The following MAGI1 variants were observed in gnomAD, a reference collection of about 807,000 sequenced individuals.
The protein encoded by MAGI1 is membrane-associated guanylate kinase, WW and PDZ domain-containing protein 1.
Under a neutral mutation model 139.9 loss-of-function variants are expected in MAGI1, and 58 were observed. The ratio of observed to expected loss-of-function variants is 0.41; its 90% CI spans 0.34 to 0.52. The LOEUF is 0.52. Among genes scored for constraint, MAGI1 ranks in the 20% least tolerant of loss-of-function variants. MAGI1 has a pLI of 0.12. For missense variants in MAGI1, 1,874 were observed against 1,901.6 expected (o/e 0.99, Z 0.27); for synonymous variants, 812 against 737.9 (o/e 1.10, Z -1.63).
At chr3:65,525,336 C>T (rs1469451744) in intron 2 of MAGI1, among the ~76,000 whole-genome samples, 1 of 152,176 alleles carries the variant, frequency 6.6e-6, no homozygotes, top group Non-Finnish European at 1.5e-5. Context: ...TTTTCTTTTT[C>T]TCTCTTCTCC....
intron 3 of MAGI1, among the ~76,000 whole-genome samples, chr3:65,479,023 A>T (rs1213977798): frequency 6.6e-6 from 1 of 152,198 alleles, no homozygotes; most frequent in Admixed American, 6.5e-5. Flanking sequence ...TTTAGTGCAA[A>T]CAACCTACTA....
At chr3:65,807,333 T>G (rs970962783) in intron 1 of MAGI1, among the ~76,000 whole-genome samples, 4 of 152,148 alleles carry the variant, frequency 2.6e-5, no homozygotes, top group Non-Finnish European at 5.9e-5. Context: ...TTACTGTACA[T>G]TGACATATAG....
At chr3:65,582,923 C>T (rs1019887418) in intron 2 of MAGI1, among the ~76,000 whole-genome samples, 3 of 152,186 alleles carry the variant, frequency 2.0e-5, no homozygotes, top group South Asian at 2.1e-4. Flanking sequence ...CAGCACTGTG[C>T]AACACAGACA....
At chr3:65,857,595 A>G (rs765382305) in intron 1 of MAGI1, among the ~76,000 whole-genome samples, 3 of 152,214 alleles carry the variant, frequency 2.0e-5, no homozygotes, top group African/African-American at 7.2e-5. Flanking sequence ...TTGCCATACC[A>G]TATCGTAGAA....
At chr3:65,684,227 C>G (rs189491160) in intron 1 of MAGI1, among the ~76,000 whole-genome samples, 2 of 147,048 alleles carry the variant, frequency 1.4e-5, no homozygotes, top group East Asian at 4.0e-4. Context: ...TGCAACTGTA[C>G]TCTTGGACAT....
At chr3:65,517,894 C>G (rs943819977) in intron 2 of MAGI1, among the ~76,000 whole-genome samples, 1 of 152,102 alleles carries the variant, frequency 6.6e-6, no homozygotes, top group South Asian at 2.1e-4. Context: ...TAACAGAGTC[C>G]CTCTGTTGAA....
intron 1 of MAGI1, among the ~76,000 whole-genome samples, chr3:65,624,323 T>C (rs1439838370): frequency 6.6e-6 from 1 of 151,968 alleles, no homozygotes; most frequent in Non-Finnish European, 1.5e-5. Flanking sequence ...CGTAGATGAA[T>C]CTTCACAGCA....
At chr3:65,409,968 A>T (rs1330145491) in intron 12 of MAGI1, among the ~76,000 whole-genome samples, 1 of 152,242 alleles carries the variant, frequency 6.6e-6, no homozygotes, top group Non-Finnish European at 1.5e-5. Context: ...ATAGTCTAAT[A>T]AATATGTCCC....
At chr3:65,364,609 G>A (rs1941229545) in intron 20 of MAGI1, 56 bp downstream of exon 20, 2 of 1,474,606 alleles carry the variant, frequency 1.4e-6, no homozygotes, top group Non-Finnish European at 1.9e-6. Flanking sequence ...AAAGTAGCTT[G>A]AGAAAGTTGG....
chr3:65,718,786 A>C (rs2032602997), intron 1 of MAGI1, among the ~76,000 whole-genome samples: 1 of 152,160 alleles, frequency 6.6e-6, no homozygotes, highest in Non-Finnish European at 1.5e-5. Context: ...CATATTTGTC[A>C]CATTTGTATT....
chr3:65,766,409 A>T (rs1030783582), intron 1 of MAGI1, among the ~76,000 whole-genome samples: 1 of 152,014 alleles, frequency 6.6e-6, no homozygotes, highest in African/African-American at 2.4e-5. Context: ...TCCAAAGAGG[A>T]TGTGGATAAT....
chr3:65,759,718 A>G (rs1348174581), intron 1 of MAGI1, among the ~76,000 whole-genome samples: 1 of 152,194 alleles, frequency 6.6e-6, no homozygotes, highest in African/African-American at 2.4e-5. Context: ...TTTCAACGTC[A>G]TGGGGCAATG....
At chr3:65,537,788 A>T (rs1262151237) in intron 2 of MAGI1, among the ~76,000 whole-genome samples, 1 of 152,142 alleles carries the variant, frequency 6.6e-6, no homozygotes, top group Non-Finnish European at 1.5e-5. Context: ...CCCCCTGAAA[A>T]TTACACATTT....
At chr3:65,527,499 G>A (rs1479958867) in intron 2 of MAGI1, among the ~76,000 whole-genome samples, 1 of 152,170 alleles carries the variant, frequency 6.6e-6, no homozygotes, top group African/African-American at 2.4e-5. Flanking sequence ...GCCAAGGCAG[G>A]TGGATCATGA....
chr3:65,574,558 G>A (rs1255732263), intron 2 of MAGI1, among the ~76,000 whole-genome samples: 3 of 151,244 alleles, frequency 2.0e-5, no homozygotes, highest in Admixed American at 1.3e-4. Context: ...GATATTCAAC[G>A]CAATCCCAAC....
rs547023942 is a variant in MAGI1 at position 65,582,229 on chromosome 3, G to A, written c.430+39743C>T. 3.3e-5 allele frequency among the ~76,000 whole-genome samples: 5 copies of A among 152,330 alleles called. No homozygotes were observed. In the East Asian group the frequency reaches 9.7e-4, roughly 29 times the overall value. On this transcript the variant is annotated intron_variant, in intron 2 of 22. Transcript: ENST00000402939. ...CTGCCCTAGAACAGTACATGGCATA[G>A]AGAAGCATGCAATATTTAGTGAATG...
intron 3 of MAGI1, among the ~76,000 whole-genome samples, chr3:65,486,793 A>T (rs1951666199): frequency 6.6e-6 from 1 of 152,214 alleles, no homozygotes; most frequent in Non-Finnish European, 1.5e-5. Context: ...TGCTACTCTC[A>T]GCATTACAGC....
intron 1 of MAGI1, among the ~76,000 whole-genome samples, chr3:65,860,642 G>C (rs146765732): frequency 6.6e-6 from 1 of 152,336 alleles, no homozygotes; most frequent in Non-Finnish European, 1.5e-5. Flanking sequence ...GGTCCCCTAG[G>C]ATGGTGTCAA....
At chr3:65,908,850 T>C (rs1575981469) in intron 1 of MAGI1, among the ~76,000 whole-genome samples, 1 of 152,166 alleles carries the variant, frequency 6.6e-6, no homozygotes, top group Non-Finnish European at 1.5e-5. Flanking sequence ...TGACCACTCA[T>C]AGTCTACATT....
Sources: allele counts gnomAD v4.1 joint callset (sites outside exome capture counted in the v4.1 genomes callset), GRCh38; gene constraint gnomAD v4.1.1; transcripts MANE v1.5; gene names NCBI Gene and HGNC (gene_info 2026-07-23, HGNC 2026-07-21).